The following FRMD1 variants were observed in gnomAD, a reference collection of about 807,000 sequenced individuals.
The protein encoded by FRMD1 is FERM domain-containing protein 1.
In FRMD1, 51 loss-of-function variants were observed where a neutral mutation model predicts 54.9. The observed-to-expected ratio is 0.93, with a 90% CI of 0.74 to 1.17. FRMD1 has a LOEUF of 1.17. Ranked by LOEUF, FRMD1 falls within the 50% of genes most tolerant of loss-of-function variation. FRMD1 has a pLI of 0.00. For missense variants in FRMD1, 729 were observed against 743.0 expected, an observed-to-expected ratio of 0.98 and a Z score of 0.22; for synonymous variants, 324 against 306.4, an observed-to-expected ratio of 1.06 and a Z score of -0.60.
chr6:168,088,880 AC>A (rs35785724), intron 1 of FRMD1, among the ~76,000 whole-genome samples: 2,860 of 48,364 alleles, frequency 0.059, 40 homozygotes, highest in South Asian at 0.11. Flanking sequence ...CAACCTCCCC[AC>A]TCCTTGTGTC....
intron 1 of FRMD1, among the ~76,000 whole-genome samples, chr6:168,076,246 C>T (rs1352817954): frequency 6.6e-6 from 1 of 152,234 alleles, no homozygotes; most frequent in African/African-American, 2.4e-5. Flanking sequence ...CACAGCAGGG[C>T]ACAGCTGGGG....
At chr6:168,063,873 G>T (rs1261553072) in intron 5 of FRMD1, 117 bp from the exon 6 acceptor site, 3 of 1,211,340 alleles carry the variant, frequency 2.5e-6, no homozygotes, top group African/African-American at 3.1e-5. Context: ...ACCTCGGTGG[G>T]CAGGGCCAGG....
chr6:168,085,815 C>T (rs1396828162), upstream of FRMD1, among the ~76,000 whole-genome samples: 1 of 151,692 alleles, frequency 6.6e-6, no homozygotes, highest in African/African-American at 2.4e-5. Flanking sequence ...GGCTCCCTAT[C>T]GCCCAGCCAT....
intron 1 of FRMD1, among the ~76,000 whole-genome samples, chr6:168,090,053 CCAGA>C (rs59674200): frequency 4.9e-4 from 74 of 152,284 alleles, no homozygotes; most frequent in African/African-American, 1.7e-3. Flanking sequence ...CACCCCGCGT[CCAGA>C]CAGTGAGCCA....
Position 168,056,265 on chromosome 6 carries a change from C to T in FRMD1, c.*832G>A, listed in dbSNP as rs1299913030. The T allele has an allele frequency of 1.3e-5, 2 of 152,358 alleles. No individual in the cohort carries two copies. The highest frequency in any genetic ancestry group is 2.9e-5 in the Non-Finnish European group (2 of 68,150). The allele number at this position is 152,358 out of a possible 1,614,324, so 9.4% of individuals were successfully genotyped here. A position where few individuals can be genotyped will look rare whatever the true frequency, so the allele number is the denominator to read the frequency against. ...GGATCAGAGCAGGTGCCATGCACAG[C>T]TAGTCCCCCACTCTCCGTCTGTCAC... On this transcript the variant is annotated 3_prime_UTR_variant, in exon 11 of 11. Coordinates refer to ENST00000283309, the MANE Select transcript of FRMD1 (RefSeq NM_024919.6).
intron 1 of FRMD1, among the ~76,000 whole-genome samples, chr6:168,090,830 G>A (rs1420542472): frequency 2.0e-5 from 3 of 152,222 alleles, no homozygotes; most frequent in African/African-American, 7.2e-5. Flanking sequence ...GTGATTCTCA[G>A]CCGCCCTCTT....
Position 168,067,355 on chromosome 6 carries a change from C to G in FRMD1, c.384+12G>C. On this transcript the variant is annotated intron_variant, in intron 3 of 10. Transcript: ENST00000283309. ...GGTGCCTGCCCTCTCCCACCCGACA[C>G]TCTACACTTACTTCATTTCTTTCTT... The G allele has an allele frequency of 6.4e-7, 1 of 1,567,182 alleles. No homozygotes were observed. Among genetic ancestry groups the G allele is most frequent in the East Asian group, 2.3e-5 (1 of 44,336 alleles).
chr6:168,067,437 T>C lies in FRMD1; in HGVS notation c.314A>G (p.Tyr105Cys). The C allele has an allele frequency of 1.2e-6, 2 of 1,600,736 alleles. No individual in the cohort carries two copies. Among genetic ancestry groups the C allele is most frequent in the Non-Finnish European group, 1.7e-6 (2 of 1,170,884 alleles). Residue 105 changes from tyrosine to cysteine, a missense_variant, in exon 3 of 11, where the codon TAT (tyrosine) becomes TGT (cysteine). By Grantham distance (194) the Tyr-to-Cys change is radical. Coordinates refer to ENST00000283309, the MANE Select transcript of FRMD1 (RefSeq NM_024919.6). ...CTTTTGCTCCAAATCCATAAATATA[T>C]ACTCATTGTCTGAAAGCAAAACAAA... is the stretch of plus-strand genomic sequence containing the variant. ...FGLCVVRNNE[Y>C]IFMDLEQKLS...
chr6:168,079,173 G>A lies in FRMD1; in HGVS notation c.-79C>T, dbSNP rs184643652. On this transcript the variant is annotated 5_prime_UTR_variant, in exon 1 of 11. Coordinates refer to ENST00000283309, the MANE Select transcript of FRMD1 (RefSeq NM_024919.6). ...CTCCCAGATCACAGCTGTGCTTTCC[G>A]GGACCCGCCCTTGCCGAGCTTCTCA... is the stretch of plus-strand genomic sequence containing the variant. The A allele has an allele frequency of 2.3e-4, 338 of 1,451,366 alleles. 1 individual carries two copies. The African/African-American group carries it at 4.4e-3, about 19-fold the overall frequency. The allele number at this position is 1,451,366 out of a possible 1,614,324, so 89.9% of individuals were successfully genotyped here.
At chr6:168,083,994 G>A (rs552986168), upstream of FRMD1, among the ~76,000 whole-genome samples, 2 of 152,334 alleles carry the variant, frequency 1.3e-5, no homozygotes, top group African/African-American at 4.8e-5. Flanking sequence ...CCTCACTGCA[G>A]GCCTGGGGAC....
At chr6:168,061,145 C>T (rs1799710024) in intron 8 of FRMD1, 88 bp from the exon 9 acceptor site, 1 of 1,321,556 alleles carries the variant, frequency 7.6e-7, no homozygotes, top group Non-Finnish European at 1.0e-6. Context: ...GACAGAAATG[C>T]ACACCCACAG....
At chr6:168,065,370 G>A in intron 4 of FRMD1, 2 of 1,143,276 alleles carry the variant, frequency 1.7e-6, no homozygotes, top group Non-Finnish European at 1.1e-6. Flanking sequence ...CAGGAGAGGT[G>A]CACAGAGCCC....
At chr6:168,082,239 C>T (rs566673282), upstream of FRMD1, among the ~76,000 whole-genome samples, 90 of 152,360 alleles carry the variant, frequency 5.9e-4, no homozygotes, top group Non-Finnish European at 1.0e-3. Context: ...GGCCCTTTAC[C>T]GACTCGGCTG....
At chr6:168,086,004 C>T (rs1392147694), upstream of FRMD1, among the ~76,000 whole-genome samples, 1 of 152,262 alleles carries the variant, frequency 6.6e-6, no homozygotes, top group East Asian at 1.9e-4. Context: ...AAGAGTAGAA[C>T]ATAGAATTCA....
In FRMD1 at chr6:168,057,024, G is replaced by A. The variant is rs779197228; in HGVS notation, c.*73C>T. Reference sequence around the variant, plus strand: ...CAGCATCTGGCGGGCAGGAAGGGACGAGGGCCATGTGGAAGTGGGGTGGGC... The same window carrying A: ...CAGCATCTGGCGGGCAGGAAGGGACAAGGGCCATGTGGAAGTGGGGTGGGC... On this transcript the variant is annotated 3_prime_UTR_variant, in exon 11 of 11. Coordinates refer to ENST00000283309, the MANE Select transcript of FRMD1 (RefSeq NM_024919.6). 5.0e-4 allele frequency: 704 copies of A among 1,417,468 alleles called. No individual in the cohort carries two copies. The highest frequency in any genetic ancestry group is 5.9e-4 in the Non-Finnish European group (644 of 1,083,486). 87.8% of individuals were successfully genotyped at this position (1,417,468 alleles called of 1,614,324 possible). A position where few individuals can be genotyped will look rare whatever the true frequency, so the allele number is the denominator to read the frequency against.
intron 2 of FRMD1, among the ~76,000 whole-genome samples, chr6:168,068,949 T>C (rs529249619): frequency 6.6e-6 from 1 of 152,372 alleles, no homozygotes; most frequent in East Asian, 1.9e-4. Flanking sequence ...CTGGCTCTTC[T>C]AGACGGCGTT....
intron 2 of FRMD1, among the ~76,000 whole-genome samples, chr6:168,068,034 C>A (rs1293016737): frequency 6.6e-6 from 1 of 152,008 alleles, no homozygotes; most frequent in Non-Finnish European, 1.5e-5. Context: ...ATTGCTTGAT[C>A]CTGGGAGTTC....
In FRMD1 at chr6:168,077,821, A is replaced by G. The variant is rs536554958; in HGVS notation, c.213+1061T>C. ...CATCTTCCCCACAACAGGTCCTCTT[A>G]TGACCCCTCCCCCAGCCCGAGGCAC... On this transcript the variant is annotated intron_variant, in intron 1 of 10. Coordinates refer to ENST00000283309, the MANE Select transcript of FRMD1 (RefSeq NM_024919.6). Among the ~76,000 whole-genome samples, 237 of 152,328 alleles carry G rather than the reference A, an allele frequency of 1.6e-3. 2 individuals are homozygous for G. The highest frequency in any genetic ancestry group is 5.5e-3 in the African/African-American group (229 of 41,580).
chr6:168,065,163 GC>G (rs932799346), intron 4 of FRMD1, 106 bp from the exon 5 acceptor site: 18 of 1,453,624 alleles, frequency 1.2e-5, no homozygotes, highest in Admixed American at 1.2e-4. Flanking sequence ...GCTGTCCTGA[GC>G]CCCTGGTACC....
Sources: gnomAD v4.1 joint callset for allele counts (sites outside exome capture counted in the v4.1 genomes callset) on GRCh38, gnomAD v4.1.1 for gene constraint, MANE v1.5 for transcripts, NCBI Gene and HGNC (gene_info 2026-07-23, HGNC 2026-07-21) for gene names.